The following MIF4GD variants were observed in gnomAD, a reference collection of about 807,000 sequenced individuals.
MIF4GD encodes MIF4G domain-containing protein.
MIF4GD carries 22 observed loss-of-function variants against 26.7 expected under a neutral mutation model. The ratio of observed to expected loss-of-function variants is 0.82; its 90% CI spans 0.59 to 1.18. The LOEUF (loss-of-function observed/expected upper bound fraction) is 1.18. Among genes scored for constraint, MIF4GD ranks in the 50% most tolerant of loss-of-function variants. The pLI, the probability that MIF4GD is intolerant of heterozygous loss-of-function variation, is 0.00. For synonymous variants in MIF4GD, 137 were observed against 111.6 expected, an observed-to-expected ratio of 1.23 and a Z score of -1.43; for missense variants, 262 against 279.6, an observed-to-expected ratio of 0.94 and a Z score of 0.45.
rs753082599 is a variant in MIF4GD at position 75,268,082 on chromosome 17, C to T, written c.192+1G>A. 3.1e-6 allele frequency: 5 copies of T among 1,614,138 alleles called. No individual in the cohort carries two copies. Among genetic ancestry groups the T allele is most frequent in the African/African-American group, 1.3e-5 (1 of 75,084 alleles). On this transcript the variant is annotated splice_donor_variant, in intron 3 of 5. Transcript: ENST00000325102. LOFTEE classifies it high-confidence loss of function. ...CTTCCTTTCCTCTCCCAACCCCCAACCTGAATGATGGCGTAGCACATGCGT... is the reference window on the plus strand; with the variant it reads ...CTTCCTTTCCTCTCCCAACCCCCAATCTGAATGATGGCGTAGCACATGCGT...
chr17:75,268,217 T>C (rs766057894), intron 2 of MIF4GD, 25 bp from the exon 3 acceptor site: 12 of 1,565,462 alleles, frequency 7.7e-6, no homozygotes, highest in Non-Finnish European at 9.7e-6. Flanking sequence ...AGGAGGGGAG[T>C]CTAGAGCTGC....
Position 75,270,019 on chromosome 17 carries a change from G to T in MIF4GD, c.82+95C>A. On this transcript the variant is annotated intron_variant, in intron 2 of 5. Transcript: ENST00000325102. This position sits in a 1 kb window ranked among gnomAD's most constrained non-coding sequence, Gnocchi z 5.7. The stretch of plus-strand genomic sequence containing the variant: ...CCTATCGTCAGAGAATGAGGGGAGG[G>T]GTGGAGGCATTCACCAGGCTCAGCC... 1.0e-6 allele frequency: 1 copy of T among 991,858 alleles called. No individual in the cohort carries two copies. The highest frequency in any genetic ancestry group is 1.3e-5 in the South Asian group (1 of 74,776). 61.4% of individuals were successfully genotyped at this position (991,858 alleles called of 1,614,324 possible).
At chr17:75,269,459 A>G (rs1263438815) in intron 2 of MIF4GD, 1 of 1,613,676 alleles carries the variant, frequency 6.2e-7, no homozygotes, top group Non-Finnish European at 8.5e-7. Flanking sequence ...CTGTGCATTC[A>G]AGAGACGGGG....
At position 75,266,811 on chromosome 17, in the gene MIF4GD, C is replaced by T. The variant is rs1365216382; in HGVS notation, c.598G>A (p.Glu200Lys). 6.2e-6 allele frequency: 10 copies of T among 1,614,084 alleles called. No homozygotes were observed. The highest frequency in any genetic ancestry group is 8.5e-6 in the Non-Finnish European group (10 of 1,180,046). Residue 200 changes from glutamate (E) to lysine (K), a missense_variant, in exon 6 of 6, where the codon GAG becomes AAG. Glu to Lys is a moderately conservative substitution (Grantham distance 56, BLOSUM62 1). Coordinates refer to ENST00000325102, the MANE Select transcript of MIF4GD (RefSeq NM_001370592.1). ...LAQLLLLEII[E>K]FRAAGWKTTP... ...GTCTTCCAGCCGGCCGCCCGGAACTCAATGATCTCCAGCAGCAGCAGCTGG... is the reference window on the plus strand; with the variant it reads ...GTCTTCCAGCCGGCCGCCCGGAACTTAATGATCTCCAGCAGCAGCAGCTGG...
chr17:75,266,533 C>G lies in MIF4GD; in HGVS notation c.*207G>C, dbSNP rs926632741. On this transcript the variant is annotated 3_prime_UTR_variant, in exon 6 of 6. Coordinates refer to ENST00000325102, the MANE Select transcript of MIF4GD (RefSeq NM_001370592.1). ...TGGGAGTTGCCCTTCTCTGCCTGGC[C>G]GTGGTGGGTTGTGGTGGGGAAAGGG... 1.7e-6 allele frequency: 1 copy of G among 603,138 alleles called. No individual in the cohort carries two copies. Among genetic ancestry groups the G allele is most frequent in the Non-Finnish European group, 2.9e-6 (1 of 339,244 alleles). 37.4% of individuals were successfully genotyped at this position (603,138 alleles called of 1,614,324 possible).
At position 75,267,544 on chromosome 17, in the gene MIF4GD, C is replaced by T; in HGVS notation, c.435G>A (p.Glu145=). 3 of 1,614,188 alleles carry T rather than the reference C, an allele frequency of 1.9e-6. No individual in the cohort carries two copies. Among genetic ancestry groups the T allele is most frequent in the Non-Finnish European group, 2.5e-6 (3 of 1,180,020 alleles). The part of the protein sequence containing the change: ...RLAQPDSLSK[E]EEVDCLVLQL... ...CAGGGCTGGGGCCACCCACCTCCTC[C>T]TCCTTGCTCAAACTGTCTGGCTGGG... Residue 145 remains glutamate, a synonymous_variant, in exon 5 of 6, where the codon GAG becomes GAA. Coordinates refer to ENST00000325102, the MANE Select transcript of MIF4GD (RefSeq NM_001370592.1).
chr17:75,270,094 A>G lies in MIF4GD; in HGVS notation c.82+20T>C, dbSNP rs1375594458. The stretch of plus-strand genomic sequence containing the variant: ...TCTCTGTAGCTCCTGACCCCAGCTC[A>G]GGAGGGGTCCCGTGCTCACCTTTGA... On this transcript the variant is annotated intron_variant, in intron 2 of 5. Transcript: ENST00000325102. The surrounding 1 kb of genome is among the most constrained non-coding windows in gnomAD (Gnocchi z 5.7). 2 of 1,611,034 alleles carry G rather than the reference A, an allele frequency of 1.2e-6. No individual in the cohort carries two copies. The highest frequency in any genetic ancestry group is 1.7e-6 in the Non-Finnish European group (2 of 1,177,530).
chr17:75,267,500 C>T (rs955479943), intron 5 of MIF4GD, 38 bp downstream of exon 5: 1 of 1,600,784 alleles, frequency 6.2e-7, no homozygotes, highest in African/African-American at 1.3e-5. Flanking sequence ...GTCCATCCTG[C>T]AGCCTTCTGT....
At position 75,270,238 on chromosome 17, in the gene MIF4GD, G is replaced by T. The variant is rs2077682773; in HGVS notation, c.-43C>A. 1 of 1,538,820 alleles carries T rather than the reference G, an allele frequency of 6.5e-7. No homozygotes were observed. The highest frequency in any genetic ancestry group is 1.1e-5 in the South Asian group (1 of 89,450). On this transcript the variant is annotated 5_prime_UTR_variant, in exon 2 of 6. Coordinates refer to ENST00000325102, the MANE Select transcript of MIF4GD (RefSeq NM_001370592.1). The surrounding 1 kb of genome is among the most constrained non-coding windows in gnomAD (Gnocchi z 5.7). ...AGCTCTTGACTGGGCTGGGAATAAG[G>T]ACAGCACCTGAGGAGAAGAGGCGAA...
In MIF4GD at chr17:75,266,797, G is replaced by C; in HGVS notation, c.612C>G (p.Ala204=). The stretch of plus-strand genomic sequence containing the variant: ...GGGCAGCTGGCGTTGTCTTCCAGCC[G>C]GCCGCCCGGAACTCAATGATCTCCA... ...LLLEIIEFRA[A]GWKTTPAAHK... The change falls in exon 6 of 6, where the codon GCC becomes GCG. Residue 204 remains alanine, a synonymous_variant. Transcript: ENST00000325102. 6.2e-7 allele frequency: 1 copy of C among 1,614,166 alleles called. No homozygotes were observed. The highest frequency in any genetic ancestry group is 8.5e-7 in the Non-Finnish European group (1 of 1,180,040).
intron 5 of MIF4GD, 107 bp downstream of exon 5, chr17:75,267,431 G>A: frequency 1.8e-6 from 2 of 1,114,044 alleles, no homozygotes; most frequent in Non-Finnish European, 2.7e-6. Context: ...TGCCCCAGAA[G>A]TGACACAGTC....
Position 75,266,606 on chromosome 17 carries a change from T to C in MIF4GD, c.*134A>G, listed in dbSNP as rs563297780. 6 of 806,294 alleles carry C rather than the reference T, an allele frequency of 7.4e-6. No individual in the cohort carries two copies. In the Admixed American group the frequency reaches 1.4e-4, roughly 18 times the overall value. 49.9% of individuals were successfully genotyped at this position (806,294 alleles called of 1,614,324 possible). A position where few individuals can be genotyped will look rare whatever the true frequency, so the allele number is the denominator to read the frequency against. ...AAGTGGGAAACATCTCACCAGGAGA[T>C]GGGAAAGTCTAGAAGGGAAGACACT... is the stretch of plus-strand genomic sequence containing the variant. On this transcript the variant is annotated 3_prime_UTR_variant, in exon 6 of 6. Coordinates refer to ENST00000325102, the MANE Select transcript of MIF4GD (RefSeq NM_001370592.1).
rs770310284 is a variant in MIF4GD, at chr17:75,270,114, C to T, written c.82G>A (p.Asp28Asn). The change falls in exon 2 of 6, where the codon GAT becomes AAT. Residue 28 changes from aspartate to asparagine, a missense_variant and splice_region_variant. Asp to Asn is a conservative substitution (Grantham distance 23). Coordinates refer to ENST00000325102, the MANE Select transcript of MIF4GD (RefSeq NM_001370592.1). This position sits in a 1 kb window ranked among gnomAD's most constrained non-coding sequence, Gnocchi z 5.7. Reference sequence around the variant, plus strand: ...AGCTCAGGAGGGGTCCCGTGCTCACCTTTGAGTGCTGTCTTCAGCAGCTGC... The same window carrying T: ...AGCTCAGGAGGGGTCCCGTGCTCACTTTTGAGTGCTGTCTTCAGCAGCTGC... ...TQQLLKTALK[D>N]PGAVDLEKVA... 1.9e-5 allele frequency: 31 copies of T among 1,613,948 alleles called. No individual in the cohort carries two copies. The highest frequency in any genetic ancestry group is 2.5e-5 in the Non-Finnish European group (30 of 1,179,910).
At position 75,266,661 on chromosome 17, in the gene MIF4GD, G is replaced by T; in HGVS notation, c.*79C>A. On this transcript the variant is annotated 3_prime_UTR_variant, in exon 6 of 6. Coordinates refer to ENST00000325102, the MANE Select transcript of MIF4GD (RefSeq NM_001370592.1). ...GTCTGGAAGGGAAAAGTCTTTGGGT[G>T]AGGCAGAGACTCCACTGCCAGCTTT... 7.6e-7 allele frequency: 1 copy of T among 1,311,574 alleles called. No individual in the cohort carries two copies. Among genetic ancestry groups the T allele is most frequent in the Non-Finnish European group, 1.1e-6 (1 of 906,898 alleles). The allele number at this position is 1,311,574 out of a possible 1,614,324, so 81.2% of individuals were successfully genotyped here.
rs2077482036 is a variant in MIF4GD at position 75,266,262 on chromosome 17, C to T, written c.*478G>A. ...CAGAAAAGATTTATTAGAAAATTCT[C>T]ACGCTGAACTGGTGTAGCATGTGGT... On this transcript the variant is annotated 3_prime_UTR_variant, in exon 6 of 6. Coordinates refer to ENST00000325102, the MANE Select transcript of MIF4GD (RefSeq NM_001370592.1). 8 of 385,458 alleles carry T rather than the reference C, an allele frequency of 2.1e-5. No homozygotes were observed. Among genetic ancestry groups the T allele is most frequent in the East Asian group, 5.9e-5 (1 of 17,052 alleles). The allele number at this position is 385,458 out of a possible 1,614,324, so 23.9% of individuals were successfully genotyped here. A position where few individuals can be genotyped will look rare whatever the true frequency, so the allele number is the denominator to read the frequency against.
At chr17:75,269,252 A>T in intron 2 of MIF4GD, 2 of 1,445,968 alleles carry the variant, frequency 1.4e-6, no homozygotes, top group Non-Finnish European at 9.5e-7. Flanking sequence ...TACTACACAC[A>T]TGCAAACCCC....
rs918109933 is a variant in MIF4GD, at chr17:75,271,006, G to A, written c.-51+138C>T. Reference sequence around the variant, plus strand: ...GCCGGAGGCTCCCCTCTGGCCGTAGGAGGCGCCTTTAGGGTCTCCAGCCCT... The same window carrying A: ...GCCGGAGGCTCCCCTCTGGCCGTAGAAGGCGCCTTTAGGGTCTCCAGCCCT... On this transcript the variant is annotated intron_variant, in intron 1 of 5. Coordinates refer to ENST00000325102, the MANE Select transcript of MIF4GD (RefSeq NM_001370592.1). The surrounding 1 kb of genome is among the most constrained non-coding windows in gnomAD (Gnocchi z 4.2). 6 of 152,166 alleles carry A rather than the reference G, an allele frequency of 3.9e-5. No individual in the cohort carries two copies. Among genetic ancestry groups the A allele is most frequent in the African/African-American group, 1.4e-4 (6 of 41,446 alleles). The allele number at this position is 152,166 out of a possible 1,614,324, so 9.4% of individuals were successfully genotyped here.
chr17:75,270,675 C>T lies in MIF4GD; in HGVS notation c.-50-430G>A, dbSNP rs2077701968. ...CTCTGTCCCCAGCAGGTCTCCGAGC[C>T]CCTCTCCCCAACCCTCTCTTTCTGG... On this transcript the variant is annotated intron_variant, in intron 1 of 5. Coordinates refer to ENST00000325102, the MANE Select transcript of MIF4GD (RefSeq NM_001370592.1). This position sits in a 1 kb window ranked among gnomAD's most constrained non-coding sequence, Gnocchi z 5.7. 6.4e-6 allele frequency: 1 copy of T among 155,984 alleles called. No individual in the cohort carries two copies. Among genetic ancestry groups the T allele is most frequent in the African/African-American group, 2.4e-5 (1 of 41,514 alleles). 9.7% of individuals were successfully genotyped at this position (155,984 alleles called of 1,614,324 possible).
Position 75,266,230 on chromosome 17 carries a change from T to G in MIF4GD, c.*510A>C. 2 of 431,150 alleles carry G rather than the reference T, an allele frequency of 4.6e-6. No homozygotes were observed. Among genetic ancestry groups the G allele is most frequent in the Admixed American group, 3.9e-5 (1 of 25,516 alleles). 26.7% of individuals were successfully genotyped at this position (431,150 alleles called of 1,614,324 possible). On this transcript the variant is annotated 3_prime_UTR_variant, in exon 6 of 6. Coordinates refer to ENST00000325102, the MANE Select transcript of MIF4GD (RefSeq NM_001370592.1). The stretch of plus-strand genomic sequence containing the variant: ...CTTTGGATATATAAAGGAAGCAGTT[T>G]TAGTATCAGAAAAGATTTATTAGAA...
Sources: allele counts gnomAD v4.1 joint callset, GRCh38; gene constraint gnomAD v4.1.1; non-coding constraint Gnocchi (gnomAD v3.1); transcripts MANE v1.5; gene names NCBI Gene and HGNC (gene_info 2026-07-23, HGNC 2026-07-21).